The following NOTCH3 variants were observed in gnomAD, a reference collection of about 807,000 sequenced individuals.
NOTCH3 encodes notch receptor 3, also known as neurogenic locus notch homolog protein 3.
In NOTCH3, 86 loss-of-function variants were observed where a neutral mutation model predicts 213.3. The observed-to-expected ratio is 0.40, with a 90% CI of 0.34 to 0.48. NOTCH3 has a LOEUF of 0.48. Ranked by LOEUF, NOTCH3 falls within the 20% of genes least tolerant of loss-of-function variation. The pLI is 0.57. For missense variants in NOTCH3, 2,783 were observed against 3,272.6 expected, an observed-to-expected ratio of 0.85 and a Z score of 3.65; for synonymous variants, 1,354 against 1,355.9, an observed-to-expected ratio of 1.00 and a Z score of 0.03.
In NOTCH3 at chr19:15,165,885, G is replaced by A. The variant is rs752169336; in HGVS notation, c.5569C>T (p.Arg1857Trp). Residue 1857 changes from arginine to tryptophan, a missense_variant, in exon 30 of 33, where the codon CGG (arginine) becomes TGG (tryptophan). Arg to Trp is a moderately radical substitution (Grantham distance 101). Around this residue, in one of 6 missense-constraint regions of NOTCH3, gnomAD observed 636 missense variants for 801.8 expected, o/e 0.79. Coordinates refer to ENST00000263388, the MANE Select transcript of NOTCH3 (RefSeq NM_000435.3). The surrounding 1 kb of genome is among the most constrained non-coding windows in gnomAD (Gnocchi z 4.7). ...ARYARADAAK[R>W]LLDAGADTNA... ...GTGTCTGCCCCAGCATCCAGCAGCCGCTTGGCTGCATCAGCACGGGCATAA... is the reference window on the plus strand; with the variant it reads ...GTGTCTGCCCCAGCATCCAGCAGCCACTTGGCTGCATCAGCACGGGCATAA... 32 of 1,613,848 alleles carry A rather than the reference G, an allele frequency of 2.0e-5. No individual in the cohort carries two copies. Among genetic ancestry groups the A allele is most frequent in the Middle Eastern group, 1.6e-4 (1 of 6,084 alleles).
At position 15,165,782 on chromosome 19, in the gene NOTCH3, C is replaced by G. The variant is rs2046680596; in HGVS notation, c.5667+5G>C. On this transcript the variant is annotated splice_donor_5th_base_variant and intron_variant, in intron 30 of 32. Transcript: ENST00000263388. This position sits in a 1 kb window ranked among gnomAD's most constrained non-coding sequence, Gnocchi z 4.7. The stretch of plus-strand genomic sequence containing the variant: ...TCTGAGGTCCAAAGTGTGTGCCTAT[C>G]TCACCTGGAAGACACCCTGGGCATC... 6.2e-7 allele frequency: 1 copy of G among 1,610,886 alleles called. No individual in the cohort carries two copies. Among genetic ancestry groups the G allele is most frequent in the Non-Finnish European group, 8.5e-7 (1 of 1,179,996 alleles).
Position 15,177,770 on chromosome 19 carries a change from C to A in NOTCH3, c.4158G>T (p.Arg1386=), listed in dbSNP as rs1399596867. Reference sequence around the variant, plus strand: ...TGGCCTGGCAGGCGGCGCGCGGGCACCGCGGCTCCTCCGAGACCTCGGGTG... The same window carrying A: ...TGGCCTGGCAGGCGGCGCGCGGGCAACGCGGCTCCTCCGAGACCTCGGGTG... The part of the protein sequence containing the change: ...AAAPEVSEEP[R]CPRAACQAKR... The change falls in exon 24 of 33, where the codon CGG becomes CGT. Residue 1386 remains arginine (R), a synonymous_variant. Coordinates refer to ENST00000263388, the MANE Select transcript of NOTCH3 (RefSeq NM_000435.3). 33 of 1,362,276 alleles carry A rather than the reference C, an allele frequency of 2.4e-5. No homozygotes were observed. Among genetic ancestry groups the A allele is most frequent in the Non-Finnish European group, 3.1e-5 (33 of 1,066,662 alleles). 84.4% of individuals were successfully genotyped at this position (1,362,276 alleles called of 1,614,324 possible).
rs2046751271 is a variant in NOTCH3 at position 15,173,089 on chromosome 19, CTTCTTCTTCTTCTTCTTTTTT to C, written c.4736+958_4736+978del. On this transcript the variant is annotated intron_variant, in intron 25 of 32. Coordinates refer to ENST00000263388, the MANE Select transcript of NOTCH3 (RefSeq NM_000435.3). ...TCTTCTTCTTCTTCTTCTTCTTCTT[CTTCTTCTTCTTCTTCTTTTTT>C]TTTTTTTTTTTTTTTTTTAAGAGAT... Among the ~76,000 whole-genome samples the C allele has an allele frequency of 9.7e-5, 4 of 41,248 alleles. 1 individual carries two copies. Among genetic ancestry groups the C allele is most frequent in the Non-Finnish European group, 1.6e-4 (4 of 24,616 alleles). The allele number at this position is 41,248 out of a possible 152,430, so 27.1% of individuals were successfully genotyped here.
At position 15,180,212 on chromosome 19, in the gene NOTCH3, C is replaced by G. The variant is rs759587898; in HGVS notation, c.3187G>C (p.Asp1063His). Residue 1063 changes from aspartate (D) to histidine (H), a missense_variant, in exon 20 of 33, where the codon GAT becomes CAT. Around this residue, in one of 6 missense-constraint regions of NOTCH3, gnomAD observed 861 missense variants for 909.1 expected, o/e 0.95. Transcript: ENST00000263388. ...QLCQAGGQCV[D>H]EDSSHYCVCP... Reference sequence around the variant, plus strand: ...ACGCAGTAGTGGGAGCTGTCTTCATCCACACACTGCCCACCCGCCTGACAC... The same window carrying G: ...ACGCAGTAGTGGGAGCTGTCTTCATGCACACACTGCCCACCCGCCTGACAC... 6.2e-7 allele frequency: 1 copy of G among 1,613,864 alleles called. No individual in the cohort carries two copies. The highest frequency in any genetic ancestry group is 8.5e-7 in the Non-Finnish European group (1 of 1,180,012).
Position 15,159,954 on chromosome 19 carries a change from G to A in NOTCH3, c.*708C>T, listed in dbSNP as rs2046625722. On this transcript the variant is annotated 3_prime_UTR_variant, in exon 33 of 33. Coordinates refer to ENST00000263388, the MANE Select transcript of NOTCH3 (RefSeq NM_000435.3). ...GGGTGGGGCTGGGGCAGAGGGAGTTGGCAGTGGGCCCTTCCCCAGCAAGGC... is the reference window on the plus strand; with the variant it reads ...GGGTGGGGCTGGGGCAGAGGGAGTTAGCAGTGGGCCCTTCCCCAGCAAGGC... 2 of 233,712 alleles carry A rather than the reference G, an allele frequency of 8.6e-6. No homozygotes were observed. The highest frequency in any genetic ancestry group is 2.2e-5 in the African/African-American group (1 of 45,354). 14.5% of individuals were successfully genotyped at this position (233,712 alleles called of 1,614,324 possible).
In NOTCH3 at chr19:15,170,322, G is replaced by A. The variant is rs199791632; in HGVS notation, c.5114+9C>T. The A allele has an allele frequency of 6.2e-7, 1 of 1,610,588 alleles. No individual in the cohort carries two copies. Among genetic ancestry groups the A allele is most frequent in the Non-Finnish European group, 8.5e-7 (1 of 1,177,818 alleles). ...GTAGTCAGGGACAGGGAGCGAGCAG[G>A]GTTCTCACTTCATGCCCAGCGCGTC... On this transcript the variant is annotated intron_variant, in intron 27 of 32. Coordinates refer to ENST00000263388, the MANE Select transcript of NOTCH3 (RefSeq NM_000435.3).
chr19:15,173,442 AGAG>A (rs992156697), intron 25 of NOTCH3, among the ~76,000 whole-genome samples: 10 of 129,310 alleles, frequency 7.7e-5, no homozygotes, highest in Non-Finnish European at 1.7e-5. Flanking sequence ...AAAAAAAAAA[AGAG>A]AGAGAGAGAT....
rs781547835 is a variant in NOTCH3 at position 15,188,218 on chromosome 19, T to C, written c.1492+17A>G. ...CCCAGACATGTCTTTTCGGGCTCCC[T>C]CTCCTGAGGTCCTCACCCGAGGGGC... is the stretch of plus-strand genomic sequence containing the variant. On this transcript the variant is annotated intron_variant, in intron 9 of 32. Coordinates refer to ENST00000263388, the MANE Select transcript of NOTCH3 (RefSeq NM_000435.3). 4.5e-6 allele frequency: 7 copies of C among 1,564,102 alleles called. No individual in the cohort carries two copies. The highest frequency in any genetic ancestry group is 3.3e-4 in the Middle Eastern group (2 of 6,006).
intron 24 of NOTCH3, among the ~76,000 whole-genome samples, chr19:15,175,533 TA>T (rs34762214): frequency 0.027 from 1,199 of 44,196 alleles, 30 homozygotes; most frequent in African/African-American, 0.11. Flanking sequence ...AAATCCTGTC[TA>T]AAAAAAAAAA....
chr19:15,175,898 A>C (rs954359706), intron 24 of NOTCH3, among the ~76,000 whole-genome samples: 2 of 151,284 alleles, frequency 1.3e-5, no homozygotes, highest in African/African-American at 4.9e-5. Flanking sequence ...AGAGAAGATG[A>C]GGATGTGGAG....
Position 15,178,923 on chromosome 19 carries a change from A to G in NOTCH3, c.3737T>C (p.Val1246Ala), listed in dbSNP as rs776076696. The G allele has an allele frequency of 5.0e-6, 8 of 1,613,748 alleles. No homozygotes were observed. Among genetic ancestry groups the G allele is most frequent in the Non-Finnish European group, 5.9e-6 (7 of 1,179,912 alleles). The change falls in exon 23 of 33, where the codon GTC becomes GCC. Residue 1246 changes from valine (V) to alanine (A), a missense_variant. By Grantham distance (64) the Val-to-Ala change is moderately conservative. Coordinates refer to ENST00000263388, the MANE Select transcript of NOTCH3 (RefSeq NM_000435.3). ...TGGCTGGGACTCGCAGGGAGACAGG[A>G]CAGTCTGACAGCGAGGACCTGAGCG... The part of the protein sequence containing the change: ...AGFSGPRCQT[V>A]LSPCESQPCQ...
At chr19:15,199,308 G>C (rs1364139111) in intron 1 of NOTCH3, among the ~76,000 whole-genome samples, 1 of 152,260 alleles carries the variant, frequency 6.6e-6, no homozygotes, top group Non-Finnish European at 1.5e-5. Context: ...AGATGTGTGT[G>C]CTGTCTGTAT....
At chr19:15,162,381 G>A (rs1281589469) in intron 32 of NOTCH3, 84 bp downstream of exon 32, 3 of 925,112 alleles carry the variant, frequency 3.2e-6, no homozygotes, top group Admixed American at 1.8e-5. Flanking sequence ...TGTTTTTTGA[G>A]AGAGTCTCAC....
At position 15,185,318 on chromosome 19, in the gene NOTCH3, G is replaced by A. The variant is rs190937435; in HGVS notation, c.2235C>T (p.Ala745=). 15 of 1,612,490 alleles carry A rather than the reference G, an allele frequency of 9.3e-6. No homozygotes were observed. Among genetic ancestry groups the A allele is most frequent in the African/African-American group, 1.3e-5 (1 of 74,758 alleles). ...TTCCATCGCTGCTGCATGTCCCACCGGCCCTGCACGGCTGGGACTCACAGG... is the reference window on the plus strand; with the variant it reads ...TTCCATCGCTGCTGCATGTCCCACCAGCCCTGCACGGCTGGGACTCACAGG... ...RDACESQPCR[A]GGTCSSDGMG... Residue 745 remains alanine, a synonymous_variant, in exon 14 of 33, where the codon GCC becomes GCT. Transcript: ENST00000263388. The surrounding 1 kb of genome is among the most constrained non-coding windows in gnomAD (Gnocchi z 4.2).
At chr19:15,190,147 G>A (rs746484414) in intron 6 of NOTCH3, among the ~76,000 whole-genome samples, 4 of 152,044 alleles carry the variant, frequency 2.6e-5, no homozygotes, top group Non-Finnish European at 5.9e-5. Flanking sequence ...GGTGGCGCAC[G>A]CCTGTAATCC....
chr19:15,193,113 G>T (rs1473118694), intron 2 of NOTCH3, among the ~76,000 whole-genome samples: 2 of 152,050 alleles, frequency 1.3e-5, no homozygotes, highest in African/African-American at 2.4e-5. Flanking sequence ...GGCAGGGGGC[G>T]GTGAAAGCCA....
chr19:15,171,022 C>G (rs2046729429), intron 25 of NOTCH3, among the ~76,000 whole-genome samples, 197 bp from the exon 26 acceptor site: 1 of 152,224 alleles, frequency 6.6e-6, no homozygotes, highest in Non-Finnish European at 1.5e-5. Context: ...GTCAGCAGTC[C>G]CCCCAGAGCC....
chr19:15,191,971 G>A lies in NOTCH3; in HGVS notation c.668C>T (p.Ala223Val), dbSNP rs751670994. Reference protein sequence around the residue: ...RQSGDLTYDCACLPGFEGQNC... With the variant: ...RQSGDLTYDCVCLPGFEGQNC... ...TAGGGCTCACTCACCAGGAAGACAG[G>A]CACAGTCGTAAGTGAGGTCGCCACT... Residue 223 changes from alanine to valine, a missense_variant, in exon 4 of 33, where the codon GCC becomes GTC. Physicochemically the swap from Ala to Val is moderately conservative, Grantham distance 64. Around this residue, in one of 6 missense-constraint regions of NOTCH3, gnomAD observed 708 missense variants for 906.6 expected, o/e 0.78. Coordinates refer to ENST00000263388, the MANE Select transcript of NOTCH3 (RefSeq NM_000435.3). 9 of 1,613,320 alleles carry A rather than the reference G, an allele frequency of 5.6e-6. No homozygotes were observed. In the East Asian group the frequency reaches 2.0e-4, roughly 36 times the overall value.
chr19:15,173,932 C>T (rs979078248), intron 25 of NOTCH3, 136 bp downstream of exon 25: 4 of 732,058 alleles, frequency 5.5e-6, no homozygotes, highest in South Asian at 4.1e-5. Flanking sequence ...GCATTTTTTG[C>T]TTGTCACAGC....
Sources: allele counts gnomAD v4.1 joint callset (sites outside exome capture counted in the v4.1 genomes callset), GRCh38; gene constraint gnomAD v4.1.1; regional missense constraint gnomAD v4.1.1; non-coding constraint Gnocchi (gnomAD v3.1); transcripts MANE v1.5; gene names NCBI Gene and HGNC (gene_info 2026-07-23, HGNC 2026-07-21).